The following C6orf52 variants were observed in gnomAD, a reference collection of about 807,000 sequenced individuals.
The protein encoded by C6orf52 is putative uncharacterized protein C6orf52.
In C6orf52, 16 loss-of-function variants were observed where a neutral mutation model predicts 16.6. That is an observed-to-expected ratio of 0.96 (90% CI 0.65 to 1.46). The LOEUF (loss-of-function observed/expected upper bound fraction) is 1.46, where lower values mean the gene tolerates loss of function less well. C6orf52 is among the 40% of genes most tolerant of loss of function. The pLI is 0.00. For missense variants in C6orf52, 166 were observed against 182.3 expected (o/e 0.91, Z 0.52); for synonymous variants, 53 against 61.4 (o/e 0.86, Z 0.64).
intron 1 of C6orf52, among the ~76,000 whole-genome samples, chr6:10,692,266 T>G (rs1769386416): frequency 6.6e-6 from 1 of 152,226 alleles, no homozygotes; most frequent in Non-Finnish European, 1.5e-5. Flanking sequence ...ATGTGAAACT[T>G]ACAATGTCCT....
chr6:10,691,083 G>A (rs73721358), intron 1 of C6orf52, among the ~76,000 whole-genome samples: 2,582 of 152,282 alleles, frequency 0.017, 76 homozygotes, highest in African/African-American at 0.059. Context: ...TTATTTAGCT[G>A]TGTGTTCTTG....
rs766332691 is a variant in C6orf52, at chr6:10,684,322, A to G, written c.271-1090T>C. On this transcript the variant is annotated intron_variant, in intron 3 of 4. Coordinates refer to ENST00000259983, the MANE Select transcript of C6orf52 (RefSeq NM_001145020.3). ...GACATCATCTCTAAAAGCTAATTAT[A>G]TAAAAAGAAAAGAAAGAAATGGCAA... 6.6e-5 allele frequency among the ~76,000 whole-genome samples: 10 copies of G among 152,332 alleles called. 1 individual carries two copies. Among genetic ancestry groups the G allele is most frequent in the Middle Eastern group, 6.8e-3 (2 of 294 alleles).
chr6:10,677,203 G>C (rs983719384), intron 4 of C6orf52, among the ~76,000 whole-genome samples: 25 of 152,180 alleles, frequency 1.6e-4, no homozygotes, highest in Non-Finnish European at 3.7e-4. Flanking sequence ...TATAGTGAGA[G>C]ATAAACAGTC....
At position 10,694,503 on chromosome 6, in the gene C6orf52, G is replaced by C. The variant is rs900874912; in HGVS notation, c.-21C>G. On this transcript the variant is annotated 5_prime_UTR_variant, in exon 1 of 5. Transcript: ENST00000259983. ...TCCCACCCCTCCTTACCCTATTAAC[G>C]ACAGAAAGCCTCGTTCCGCTGGTCC... is the stretch of plus-strand genomic sequence containing the variant. 1.3e-5 allele frequency: 2 copies of C among 156,790 alleles called. No individual in the cohort carries two copies. The highest frequency in any genetic ancestry group is 6.3e-5 in the Admixed American group (1 of 15,932). 9.7% of individuals were successfully genotyped at this position (156,790 alleles called of 1,614,324 possible). A position where few individuals can be genotyped will look rare whatever the true frequency, so the allele number is the denominator to read the frequency against.
intron 2 of C6orf52, 41 bp downstream of exon 2, chr6:10,687,439 A>G (rs1042624585): frequency 2.2e-6 from 3 of 1,361,544 alleles, no homozygotes; most frequent in African/African-American, 3.0e-5. Flanking sequence ...CAAATAGAAC[A>G]GTAACAGCTT....
intron 4 of C6orf52, among the ~76,000 whole-genome samples, chr6:10,675,184 C>G (rs1767772329): frequency 6.6e-6 from 1 of 152,162 alleles, no homozygotes; most frequent in Non-Finnish European, 1.5e-5. Flanking sequence ...CCCTACCACT[C>G]TCTCCCTGCA....
At chr6:10,675,722 A>G (rs1767815010) in intron 4 of C6orf52, among the ~76,000 whole-genome samples, 1 of 152,242 alleles carries the variant, frequency 6.6e-6, no homozygotes, top group Non-Finnish European at 1.5e-5. Context: ...CCATTCTATC[A>G]GGAGTGAGAC....
intron 4 of C6orf52, among the ~76,000 whole-genome samples, chr6:10,673,580 GTTT>G (rs1363560413): frequency 6.6e-6 from 1 of 152,178 alleles, no homozygotes; most frequent in Non-Finnish European, 1.5e-5. Context: ...TGGGTATGGA[GTTT>G]CAGGTTATAA....
At chr6:10,686,375 C>T (rs550370238) in intron 3 of C6orf52, among the ~76,000 whole-genome samples, 55 of 152,206 alleles carry the variant, frequency 3.6e-4, no homozygotes, top group African/African-American at 1.2e-3. Context: ...TAGATCCACT[C>T]CACAGTACTT....
chr6:10,672,416 C>G (rs748681606), intron 4 of C6orf52: 32 of 506,518 alleles, frequency 6.3e-5, no homozygotes, highest in Non-Finnish European at 1.0e-4. Context: ...AAAGCCTAAC[C>G]CCCACAATGT....
chr6:10,679,127 A>G (rs1768143264), intron 4 of C6orf52, among the ~76,000 whole-genome samples: 1 of 151,094 alleles, frequency 6.6e-6, no homozygotes, highest in South Asian at 2.1e-4. Flanking sequence ...ATTTGTTTAC[A>G]ATGTAAATAC....
At position 10,671,424 on chromosome 6, in the gene C6orf52, T is replaced by C. The variant is rs1290905289; in HGVS notation, c.*32A>G. ...AAAACAAAAGACGACACAATTAGTA[T>C]GATAATTGCGGAGTTTAATGAACAC... is the stretch of plus-strand genomic sequence containing the variant. On this transcript the variant is annotated 3_prime_UTR_variant, in exon 5 of 5. Coordinates refer to ENST00000259983, the MANE Select transcript of C6orf52 (RefSeq NM_001145020.3). 2.7e-6 allele frequency: 4 copies of C among 1,505,650 alleles called. No individual in the cohort carries two copies. Among genetic ancestry groups the C allele is most frequent in the East Asian group, 5.0e-5 (2 of 39,648 alleles). 93.3% of individuals were successfully genotyped at this position (1,505,650 alleles called of 1,614,324 possible). A position where few individuals can be genotyped will look rare whatever the true frequency, so the allele number is the denominator to read the frequency against.
At chr6:10,686,344 A>G (rs561856122) in intron 3 of C6orf52, among the ~76,000 whole-genome samples, 4 of 152,336 alleles carry the variant, frequency 2.6e-5, no homozygotes, top group Non-Finnish European at 5.9e-5. Flanking sequence ...GCAAGAGTAC[A>G]GGAGAAAGAT....
chr6:10,683,108 G>C lies in C6orf52; in HGVS notation c.316+79C>G, dbSNP rs1285618360. On this transcript the variant is annotated intron_variant, in intron 4 of 4. Transcript: ENST00000259983. ...TGGAATTTTCCAATAGAACCTTCCAGTTTCTAGCAAGCTGAGTGAATGAGA... is the reference window on the plus strand; with the variant it reads ...TGGAATTTTCCAATAGAACCTTCCACTTTCTAGCAAGCTGAGTGAATGAGA... 11 of 966,278 alleles carry C rather than the reference G, an allele frequency of 1.1e-5. No homozygotes were observed. The East Asian group carries it at 3.1e-4, about 27-fold the overall frequency. The allele number at this position is 966,278 out of a possible 1,614,324, so 59.9% of individuals were successfully genotyped here. A position where few individuals can be genotyped will look rare whatever the true frequency, so the allele number is the denominator to read the frequency against.
chr6:10,679,300 C>T (rs1167310280), intron 4 of C6orf52, among the ~76,000 whole-genome samples: 1 of 151,240 alleles, frequency 6.6e-6, no homozygotes, highest in Non-Finnish European at 1.5e-5. Flanking sequence ...GTTAGCTGGG[C>T]GTAGTGGCAG....
intron 4 of C6orf52, chr6:10,672,397 C>T: frequency 2.1e-6 from 1 of 475,072 alleles, no homozygotes; most frequent in Non-Finnish European, 3.7e-6. Flanking sequence ...CCACAAAATT[C>T]TTCTGTTAAA....
At chr6:10,687,862 G>A (rs1768990957) in intron 1 of C6orf52, among the ~76,000 whole-genome samples, 1 of 152,130 alleles carries the variant, frequency 6.6e-6, no homozygotes, top group South Asian at 2.1e-4. Context: ...ACCCCAGGGA[G>A]GGACAGAAGG....
intron 1 of C6orf52, among the ~76,000 whole-genome samples, chr6:10,688,717 G>A (rs1344893714): frequency 6.6e-6 from 1 of 152,158 alleles, no homozygotes; most frequent in African/African-American, 2.4e-5. Context: ...CTAATACAAT[G>A]GCTATGTATT....
chr6:10,693,958 A>G (rs140691789), intron 1 of C6orf52, among the ~76,000 whole-genome samples: 77 of 152,024 alleles, frequency 5.1e-4, no homozygotes, highest in African/African-American at 1.7e-3. Flanking sequence ...TGTTTTCCCA[A>G]CTCTCAAATG....
Sources: gnomAD v4.1 joint callset for allele counts (sites outside exome capture counted in the v4.1 genomes callset) on GRCh38, gnomAD v4.1.1 for gene constraint, MANE v1.5 for transcripts, NCBI Gene and HGNC (gene_info 2026-07-23, HGNC 2026-07-21) for gene names.